The following DAB1 variants were observed in gnomAD, a reference collection of about 807,000 sequenced individuals.
DAB1 encodes DAB adaptor protein 1.
In DAB1, 15 loss-of-function variants were observed where a neutral mutation model predicts 64.6. The observed-to-expected ratio is 0.23, with a 90% CI of 0.16 to 0.36. The LOEUF (loss-of-function observed/expected upper bound fraction) is 0.36. DAB1 is among the 10% of genes least tolerant of loss of function. The probability of loss-of-function intolerance (pLI) is 1.00; values close to 1 mark genes in which losing one functional copy is unlikely to be tolerated. For missense variants in DAB1, 596 were observed against 706.7 expected, an observed-to-expected ratio of 0.84 and a Z score of 1.78; for synonymous variants, 235 against 251.9, an observed-to-expected ratio of 0.93 and a Z score of 0.64.
intron 2 of DAB1, among the ~76,000 whole-genome samples, chr1:57,252,266 G>A (rs1340104518): frequency 1.3e-5 from 2 of 152,138 alleles, no homozygotes; most frequent in Non-Finnish European, 2.9e-5. Context: ...TCTGTAGCAG[G>A]TGGATGAAAT....
At chr1:57,238,241 A>C (rs1668236833) in intron 2 of DAB1, among the ~76,000 whole-genome samples, 1 of 152,140 alleles carries the variant, frequency 6.6e-6, no homozygotes, top group South Asian at 2.1e-4. Flanking sequence ...CTCCTGAATG[A>C]GAAACTCTGG....
At chr1:57,029,587 T>C (rs564134916) in intron 9 of DAB1, among the ~76,000 whole-genome samples, 1 of 152,256 alleles carries the variant, frequency 6.6e-6, no homozygotes, top group South Asian at 2.1e-4. Context: ...GGAGGGAGGC[T>C]GTACCCTGCA....
chr1:57,548,767 A>C (rs1644882955), intron 7 of DAB1, among the ~76,000 whole-genome samples: 1 of 152,190 alleles, frequency 6.6e-6, no homozygotes, highest in Non-Finnish European at 1.5e-5. Flanking sequence ...TATCAGACTG[A>C]GGCAACTTCA....
At chr1:57,946,015 C>A (rs1438903288) in intron 5 of DAB1, among the ~76,000 whole-genome samples, 1 of 152,180 alleles carries the variant, frequency 6.6e-6, no homozygotes, top group Non-Finnish European at 1.5e-5. Context: ...CTGTAAACCA[C>A]AGGCTGCTAC....
At chr1:58,460,583 C>G (rs750343545) in intron 3 of DAB1, among the ~76,000 whole-genome samples, 2 of 152,046 alleles carry the variant, frequency 1.3e-5, no homozygotes, top group Non-Finnish European at 1.5e-5. Context: ...CTTACTATGT[C>G]ATTTTATTTA....
chr1:58,072,924 A>G (rs1019220068), intron 5 of DAB1, among the ~76,000 whole-genome samples: 1 of 152,222 alleles, frequency 6.6e-6, no homozygotes, highest in Non-Finnish European at 1.5e-5. Flanking sequence ...ACTGGCCATG[A>G]TAATAATTGC....
chr1:57,774,504 A>C lies in DAB1; in HGVS notation n.551+109495T>G, dbSNP rs1224143849. 4.6e-5 allele frequency among the ~76,000 whole-genome samples: 7 copies of C among 151,922 alleles called. No individual in the cohort carries two copies. In the South Asian group the frequency reaches 1.0e-3, roughly 22 times the overall value. On this transcript the variant is annotated intron_variant and non_coding_transcript_variant, in intron 6 of 20. Coordinates refer to the DAB1 transcript ENST00000485760. ...ATGAAAGTGATCCTGATCTTATGGA[A>C]AGGTATCCAGCTTTCTAGGTAAGAG...
chr1:58,334,941 G>C (rs1663075341), intron 4 of DAB1, among the ~76,000 whole-genome samples: 1 of 152,126 alleles, frequency 6.6e-6, no homozygotes, highest in Non-Finnish European at 1.5e-5. Flanking sequence ...GGAATAGAAT[G>C]ATGAAGAAAA....
At chr1:57,474,377 C>T (rs12401405) in intron 7 of DAB1, among the ~76,000 whole-genome samples, 5,578 of 152,292 alleles carry the variant, frequency 0.037, 266 homozygotes, top group Admixed American at 0.13. Flanking sequence ...CGACTCCGCT[C>T]ATTCTCTTGC....
intron 6 of DAB1, among the ~76,000 whole-genome samples, chr1:57,754,671 T>C (rs1050294246): frequency 2.7e-5 from 4 of 146,402 alleles, no homozygotes; most frequent in African/African-American, 5.0e-5. Flanking sequence ...GACTGGGAGA[T>C]AGAGGGAGAT....
At chr1:58,188,721 C>G (rs1168110537) in intron 4 of DAB1, among the ~76,000 whole-genome samples, 2 of 152,198 alleles carry the variant, frequency 1.3e-5, no homozygotes, top group Non-Finnish European at 2.9e-5. Flanking sequence ...AATATCAGAA[C>G]TTGCTAGAAA....
chr1:57,189,338 G>C (rs1160580623), intron 2 of DAB1, among the ~76,000 whole-genome samples: 2 of 152,100 alleles, frequency 1.3e-5, no homozygotes, highest in Non-Finnish European at 2.9e-5. Flanking sequence ...TGAAACCTTG[G>C]TCTTAGAGAT....
chr1:57,700,889 C>T (rs1012035448), intron 6 of DAB1, among the ~76,000 whole-genome samples: 3 of 151,718 alleles, frequency 2.0e-5, no homozygotes, highest in Non-Finnish European at 4.4e-5. Flanking sequence ...TTCTTTTTTT[C>T]CTCTGACTAT....
intron 3 of DAB1, among the ~76,000 whole-genome samples, chr1:58,404,044 A>G (rs1644595202): frequency 6.6e-6 from 1 of 152,184 alleles, no homozygotes; most frequent in Non-Finnish European, 1.5e-5. Flanking sequence ...ACAGATTTAC[A>G]CAGTGTGTTC....
intron 4 of DAB1, among the ~76,000 whole-genome samples, chr1:58,158,266 T>C (rs889118434): frequency 2.6e-5 from 4 of 152,186 alleles, no homozygotes; most frequent in Non-Finnish European, 4.4e-5. Flanking sequence ...GTCTATGTCT[T>C]ATCCAAATGT....
intron 3 of DAB1, among the ~76,000 whole-genome samples, chr1:58,397,366 C>T (rs929854439): frequency 6.6e-6 from 1 of 152,200 alleles, no homozygotes; most frequent in Admixed American, 6.5e-5. Context: ...ATGCAGCCTG[C>T]ACTTCAGTCC....
At position 58,202,368 on chromosome 1, in the gene DAB1, T is replaced by C. The variant is rs145100468; in HGVS notation, n.310-51780A>G. 5.9e-5 allele frequency among the ~76,000 whole-genome samples: 9 copies of C among 152,332 alleles called. No homozygotes were observed. In the East Asian group the frequency reaches 7.7e-4, roughly 13 times the overall value. On this transcript the variant is annotated intron_variant and non_coding_transcript_variant, in intron 4 of 20. Transcript: ENST00000485760. ...TGATGTAAGTATTATTTGCACTTCA[T>C]AGACAAAACTGAGGCTCAGCAAGAT...
intron 8 of DAB1, among the ~76,000 whole-genome samples, chr1:57,064,455 C>A (rs980568630): frequency 1.3e-5 from 2 of 152,212 alleles, no homozygotes; most frequent in Non-Finnish European, 2.9e-5. Flanking sequence ...CATACATTCT[C>A]ATGCAATCCT....
At chr1:58,312,977 G>A (rs1483479373) in intron 4 of DAB1, among the ~76,000 whole-genome samples, 2 of 152,148 alleles carry the variant, frequency 1.3e-5, no homozygotes, top group African/African-American at 2.4e-5. Flanking sequence ...CATACAGGAA[G>A]TGCAATGTTA....
Sources: allele counts gnomAD v4.1 joint callset (sites outside exome capture counted in the v4.1 genomes callset), GRCh38; gene constraint gnomAD v4.1.1; transcripts MANE v1.5; gene names NCBI Gene and HGNC (gene_info 2026-07-23, HGNC 2026-07-21).